Variants in CSTPP1 observed in about 807,000 individuals in gnomAD.
The protein encoded by CSTPP1 is centriolar satellite-associated tubulin polyglutamylase complex regulator 1.
At chr11:47,087,685 G>A in the CSTPP1 span, among the ~76,000 whole-genome samples, 1 of 152,232 alleles carries the variant, frequency 6.6e-6, no homozygotes, top group East Asian at 1.9e-4. Context: ...GCAACATGGC[G>A]AGACTCAAAT....
At chr11:47,004,808 A>G in the CSTPP1 span, among the ~76,000 whole-genome samples, 1 of 152,162 alleles carries the variant, frequency 6.6e-6, no homozygotes, top group South Asian at 2.1e-4. Flanking sequence ...TGAAAAGCAG[A>G]CTTTCTCTGC....
chr11:47,041,924 C>T, the CSTPP1 span: 2 of 278,790 alleles, frequency 7.2e-6, no homozygotes, highest in Admixed American at 1.0e-4. Flanking sequence ...AATGATGTTG[C>T]TAAACCTAGG....
the CSTPP1 span, among the ~76,000 whole-genome samples, chr11:46,986,780 A>G: frequency 1.3e-5 from 2 of 152,134 alleles, no homozygotes; most frequent in African/African-American, 4.8e-5. Flanking sequence ...AGTTTTCTTT[A>G]CAATCATACC....
the CSTPP1 span, among the ~76,000 whole-genome samples, chr11:47,075,787 A>G: frequency 6.6e-6 from 1 of 151,994 alleles, no homozygotes; most frequent in South Asian, 2.1e-4. Flanking sequence ...GCATGATGGC[A>G]GGTGCCTGTA....
the CSTPP1 span, among the ~76,000 whole-genome samples, chr11:47,101,781 G>A: frequency 2.0e-5 from 3 of 152,078 alleles, no homozygotes; most frequent in South Asian, 6.3e-4. Flanking sequence ...GACGGGGTTG[G>A]CAGAAGCAAA....
the CSTPP1 span, among the ~76,000 whole-genome samples, chr11:47,066,918 G>A: frequency 6.6e-6 from 1 of 152,156 alleles, no homozygotes; most frequent in African/African-American, 2.4e-5. Flanking sequence ...TTATTTAGAA[G>A]TTGGGTGATT....
chr11:47,077,390 G>A, the CSTPP1 span, among the ~76,000 whole-genome samples: 7 of 151,924 alleles, frequency 4.6e-5, no homozygotes, highest in East Asian at 1.2e-3. Flanking sequence ...TAGTAGAGAC[G>A]GGTTTCACCT....
the CSTPP1 span, among the ~76,000 whole-genome samples, chr11:47,086,843 G>A: frequency 5.3e-5 from 8 of 152,130 alleles, no homozygotes; most frequent in South Asian, 6.2e-4. Flanking sequence ...TAATACTGAC[G>A]GAGAAGGAAC....
the CSTPP1 span, among the ~76,000 whole-genome samples, chr11:47,066,873 A>T: frequency 6.6e-6 from 1 of 152,324 alleles, no homozygotes; most frequent in South Asian, 2.1e-4. Flanking sequence ...GCCCACATTT[A>T]TTTCAATGTT....
chr11:46,992,764 G>T, the CSTPP1 span, among the ~76,000 whole-genome samples: 1 of 152,132 alleles, frequency 6.6e-6, no homozygotes, highest in African/African-American at 2.4e-5. Flanking sequence ...GTAATGGGAT[G>T]GCTGGGTCAA....
At chr11:46,943,699 C>T in the CSTPP1 span, among the ~76,000 whole-genome samples, 1 of 152,204 alleles carries the variant, frequency 6.6e-6, no homozygotes, top group Non-Finnish European at 1.5e-5. Flanking sequence ...CTTAACCTCT[C>T]TGTGCCTTAG....
chr11:47,082,966 A>T, the CSTPP1 span, among the ~76,000 whole-genome samples: 1 of 152,128 alleles, frequency 6.6e-6, no homozygotes, highest in Admixed American at 6.5e-5. Context: ...TTTGCTGCAC[A>T]GATCAACCCA....
the CSTPP1 span, among the ~76,000 whole-genome samples, chr11:47,127,695 TA>T: frequency 4.8e-3 from 697 of 145,028 alleles, 1 homozygote; most frequent in African/African-American, 0.016. Context: ...TCTCTTCCTT[TA>T]AAAAAAAAAA....
chr11:47,075,402 A>T, the CSTPP1 span, among the ~76,000 whole-genome samples: 1 of 152,116 alleles, frequency 6.6e-6, no homozygotes. Context: ...AAATAAAAGT[A>T]TAATAAAGAG....
the CSTPP1 span, among the ~76,000 whole-genome samples, chr11:47,047,758 A>G: frequency 6.6e-6 from 1 of 152,246 alleles, no homozygotes; most frequent in Non-Finnish European, 1.5e-5. Flanking sequence ...TTTGCAAATC[A>G]TATATCCAAT....
the CSTPP1 span, chr11:47,041,769 G>T: frequency 1.9e-6 from 1 of 527,548 alleles, no homozygotes; most frequent in East Asian, 3.2e-5. Context: ...AACCATCTGA[G>T]ATGTTGTGGG....
the CSTPP1 span, chr11:47,052,118 G>A: frequency 3.9e-6 from 1 of 253,606 alleles, no homozygotes; most frequent in Non-Finnish European, 7.5e-6. Flanking sequence ...CATATGCGTT[G>A]CTCGAATGAC....
chr11:47,078,301 G>C, the CSTPP1 span, among the ~76,000 whole-genome samples: 1 of 152,210 alleles, frequency 6.6e-6, no homozygotes, highest in South Asian at 2.1e-4. Flanking sequence ...CATTTTAGTT[G>C]AGTGACGGAA....
the CSTPP1 span, among the ~76,000 whole-genome samples, chr11:47,074,482 A>G: frequency 3.5e-5 from 5 of 142,962 alleles, no homozygotes; most frequent in African/African-American, 1.0e-4. Flanking sequence ...CCTGGGCAAC[A>G]GAGCAAGATC....
Sources: gnomAD v4.1 joint callset for allele counts (sites outside exome capture counted in the v4.1 genomes callset) on GRCh38, gnomAD v4.1.1 for gene constraint, MANE v1.5 for transcripts, NCBI Gene and HGNC (gene_info 2026-07-23, HGNC 2026-07-21) for gene names.